TP53BP2: variants seen among roughly 807,000 people sequenced by gnomAD.
TP53BP2 encodes apoptosis-stimulating of p53 protein 2.
In TP53BP2, 62 loss-of-function variants were observed where a neutral mutation model predicts 126.2. That is an observed-to-expected ratio of 0.49 (90% CI 0.40 to 0.61). The LOEUF is 0.61. Ranked by LOEUF, TP53BP2 falls within the 20% of genes least tolerant of loss-of-function variation. The probability of loss-of-function intolerance (pLI) is 0.00; values close to 1 mark genes in which losing one functional copy is unlikely to be tolerated. For missense variants in TP53BP2, 1,215 were observed against 1,402.8 expected (o/e 0.87, Z 2.14); for synonymous variants, 485 against 502.9 (o/e 0.96, Z 0.48).
chr1:223,806,551 C>T lies in TP53BP2; in HGVS notation c.474+295G>A, dbSNP rs573873715. 1.5e-4 allele frequency among the ~76,000 whole-genome samples: 23 copies of T among 152,218 alleles called. 1 individual carries two copies. In the South Asian group the frequency reaches 3.5e-3, roughly 23 times the overall value. ...AAAAGAAGATACTACCAGCCGGGCACGGGGGTTCACGCCTGTAATCCCAAC... is the reference window on the plus strand; with the variant it reads ...AAAAGAAGATACTACCAGCCGGGCATGGGGGTTCACGCCTGTAATCCCAAC... On this transcript the variant is annotated intron_variant, in intron 5 of 17. Transcript: ENST00000343537.
chr1:223,784,333 G>C lies in TP53BP2; in HGVS notation c.3164-19C>G, dbSNP rs562933757. On this transcript the variant is annotated intron_variant, in intron 16 of 17. Transcript: ENST00000343537. Reference sequence around the variant, plus strand: ...TGAACTCCTAAAATCATGACAGTAAGATAAAGCACAGAATATACAACTTGG... The same window carrying C: ...TGAACTCCTAAAATCATGACAGTAACATAAAGCACAGAATATACAACTTGG... 1 of 1,612,058 alleles carries C rather than the reference G, an allele frequency of 6.2e-7. No individual in the cohort carries two copies. The highest frequency in any genetic ancestry group is 2.2e-5 in the East Asian group (1 of 44,842).
intron 1 of TP53BP2, among the ~76,000 whole-genome samples, chr1:223,831,526 T>C (rs935206984): frequency 8.0e-6 from 1 of 124,564 alleles, no homozygotes; most frequent in African/African-American, 3.1e-5. Flanking sequence ...TACTGACCTG[T>C]ATGAAATACA....
intron 17 of TP53BP2, 127 bp from the exon 18 acceptor site, chr1:223,781,021 T>C (rs570208156): frequency 3.1e-5 from 27 of 872,236 alleles, no homozygotes; most frequent in Non-Finnish European, 4.1e-5. Flanking sequence ...AAAGCACTCT[T>C]TGTGGTGTGT....
At chr1:223,811,058 A>T (rs2102862695) in intron 3 of TP53BP2, among the ~76,000 whole-genome samples, 1 of 152,322 alleles carries the variant, frequency 6.6e-6, no homozygotes, top group Admixed American at 6.5e-5. Context: ...ACTATGAGGT[A>T]CTTCCACATT....
chr1:223,794,067 A>G (rs148312211), intron 13 of TP53BP2, among the ~76,000 whole-genome samples: 10 of 152,310 alleles, frequency 6.6e-5, no homozygotes, highest in Non-Finnish European at 1.0e-4. Context: ...GGGAAAGCAT[A>G]TAATTAAGGT....
At chr1:223,798,772 T>C in intron 11 of TP53BP2, 95 bp from the exon 12 acceptor site, 8 of 1,090,630 alleles carry the variant, frequency 7.3e-6, no homozygotes, top group Non-Finnish European at 1.1e-5. Flanking sequence ...AAATATACAC[T>C]ATAAAAATAT....
chr1:223,796,711 C>T lies in TP53BP2; in HGVS notation c.1949-121G>A. 1.2e-6 allele frequency: 1 copy of T among 842,916 alleles called. No homozygotes were observed. Among genetic ancestry groups the T allele is most frequent in the East Asian group, 2.7e-5 (1 of 37,614 alleles). The allele number at this position is 842,916 out of a possible 1,614,324, so 52.2% of individuals were successfully genotyped here. A position where few individuals can be genotyped will look rare whatever the true frequency, so the allele number is the denominator to read the frequency against. The stretch of plus-strand genomic sequence containing the variant: ...AATTTCATAGTTGTTACTACATAAT[C>T]CCCTTCAAATATAATTAATTTTTAA... On this transcript the variant is annotated intron_variant, in intron 12 of 17. Coordinates refer to ENST00000343537, the MANE Select transcript of TP53BP2 (RefSeq NM_001031685.3). The surrounding 1 kb of genome is among the most constrained non-coding windows in gnomAD (Gnocchi z 4.2).
intron 1 of TP53BP2, among the ~76,000 whole-genome samples, chr1:223,840,444 T>A (rs1487069359): frequency 6.6e-6 from 1 of 152,244 alleles, no homozygotes; most frequent in Non-Finnish European, 1.5e-5. Context: ...AAAAGAACAC[T>A]CTGGATTCCT....
chr1:223,818,745 T>C (rs1663186944), intron 2 of TP53BP2, among the ~76,000 whole-genome samples: 1 of 151,238 alleles, frequency 6.6e-6, no homozygotes. Context: ...TGGCTAATTT[T>C]TGTATTTTAC....
In TP53BP2 at chr1:223,798,463, G is replaced by A. The variant is rs201911565; in HGVS notation, c.1700C>T (p.Ser567Leu). The A allele has an allele frequency of 5.3e-5, 86 of 1,614,092 alleles. No individual in the cohort carries two copies. The African/African-American group carries it at 9.2e-4, about 17-fold the overall frequency. ...PRVLLSPSIP[S>L]VGQDQTLSPG... ...AGAAAGGGTCTGGTCTTGGCCAACC[G>A]AAGGTATGCTGGGAGATAGCAGCAC... The change falls in exon 12 of 18, where the codon TCG becomes TTG. Residue 567 changes from serine (S) to leucine (L), a missense_variant. Coordinates refer to ENST00000343537, the MANE Select transcript of TP53BP2 (RefSeq NM_001031685.3).
intron 1 of TP53BP2, among the ~76,000 whole-genome samples, chr1:223,829,678 C>T (rs544975961): frequency 6.6e-6 from 1 of 151,212 alleles, no homozygotes; most frequent in African/African-American, 2.4e-5. Flanking sequence ...AAATGTGTTC[C>T]TGCCAACTTT....
At chr1:223,807,025 T>C in intron 4 of TP53BP2, 78 bp from the exon 5 acceptor site, 1 of 1,086,508 alleles carries the variant, frequency 9.2e-7, no homozygotes, top group Non-Finnish European at 1.4e-6. Context: ...CAAAGGTCTA[T>C]GTAAAAGCTT....
chr1:223,796,072 T>C lies in TP53BP2; in HGVS notation c.2467A>G (p.Ser823Gly), dbSNP rs1662310065. The C allele has an allele frequency of 6.2e-7, 1 of 1,614,198 alleles. No homozygotes were observed. Among genetic ancestry groups the C allele is most frequent in the Non-Finnish European group, 8.5e-7 (1 of 1,180,030 alleles). Residue 823 changes from serine (S) to glycine (G), a missense_variant, in exon 13 of 18, where the codon AGT (serine) becomes GGT (glycine). Physicochemically the swap from Ser to Gly is moderately conservative, Grantham distance 56 (BLOSUM62 0). Transcript: ENST00000343537. The surrounding 1 kb of genome is among the most constrained non-coding windows in gnomAD (Gnocchi z 4.2). ...SLSPEDVGNA[S>G]TENSDMPAPS... Reference sequence around the variant, plus strand: ...GCTGGCATGTCACTGTTCTCTGTACTGGCATTCCCCACATCCTCTGGGGAC... The same window carrying C: ...GCTGGCATGTCACTGTTCTCTGTACCGGCATTCCCCACATCCTCTGGGGAC...
intron 4 of TP53BP2, among the ~76,000 whole-genome samples, chr1:223,808,235 C>T (rs1662787774): frequency 6.6e-6 from 1 of 152,090 alleles, no homozygotes; most frequent in South Asian, 2.1e-4. Context: ...CAAAGATAAA[C>T]CTCAGGGCCG....
intron 1 of TP53BP2, among the ~76,000 whole-genome samples, chr1:223,834,429 A>G (rs1472616720): frequency 6.6e-6 from 1 of 152,196 alleles, no homozygotes; most frequent in Non-Finnish European, 1.5e-5. Flanking sequence ...TTTGCTGCAA[A>G]TAATGTAGAG....
intron 13 of TP53BP2, among the ~76,000 whole-genome samples, chr1:223,794,782 T>G (rs187078718): frequency 3.6e-4 from 55 of 152,354 alleles, no homozygotes; most frequent in African/African-American, 1.3e-3. Context: ...TTTAAAACTT[T>G]TTTTTCTAGC....
intron 2 of TP53BP2, among the ~76,000 whole-genome samples, chr1:223,819,939 G>C (rs1268951343): frequency 6.6e-6 from 1 of 152,108 alleles, no homozygotes; most frequent in Non-Finnish European, 1.5e-5. Context: ...CATATGTTTG[G>C]GGCTATCAGG....
intron 8 of TP53BP2, 111 bp downstream of exon 8, chr1:223,802,620 T>C: frequency 7.6e-7 from 1 of 1,320,552 alleles, no homozygotes; most frequent in Non-Finnish European, 1.0e-6. Flanking sequence ...AGCATCTGTT[T>C]TCTGAGGGCA....
chr1:223,821,161 C>A, intron 2 of TP53BP2, 59 bp downstream of exon 2: 2 of 1,609,402 alleles, frequency 1.2e-6, no homozygotes, highest in Non-Finnish European at 1.7e-6. Flanking sequence ...GCCACGTCTA[C>A]AAACCAACAT....
Sources: allele counts gnomAD v4.1 joint callset (sites outside exome capture counted in the v4.1 genomes callset), GRCh38; gene constraint gnomAD v4.1.1; non-coding constraint Gnocchi (gnomAD v3.1); transcripts MANE v1.5; gene names NCBI Gene and HGNC (gene_info 2026-07-23, HGNC 2026-07-21).